The following EIF2D variants were observed in gnomAD, a reference collection of about 807,000 sequenced individuals.
EIF2D encodes hepatocellular carcinoma-associated antigen 56.
A neutral mutation model predicts 77.4 loss-of-function variants in EIF2D; 56 were observed. The ratio of observed to expected loss-of-function variants is 0.72; its 90% CI spans 0.58 to 0.90. The LOEUF is 0.90. Among genes scored for constraint, EIF2D ranks in the 40% least tolerant of loss-of-function variants. EIF2D has a pLI of 0.00. For missense variants in EIF2D, 574 were observed against 706.5 expected (o/e 0.81, Z 2.13); for synonymous variants, 230 against 271.0 (o/e 0.85, Z 1.49).
downstream of EIF2D, chr1:206,588,656 C>A (rs1268815464): frequency 6.6e-6 from 1 of 152,422 alleles, no homozygotes; most frequent in African/African-American, 2.4e-5. Flanking sequence ...AATGCTGACC[C>A]CTCGTCGTAT....
intron 4 of EIF2D, among the ~76,000 whole-genome samples, chr1:206,607,658 T>C (rs1487823682): frequency 4.6e-5 from 7 of 151,290 alleles, no homozygotes; most frequent in Admixed American, 4.6e-4. Context: ...GATATGCATA[T>C]AGGGAAAAAG....
chr1:206,612,405 G>C lies in EIF2D; in HGVS notation c.-63C>G. 1 of 1,601,982 alleles carries C rather than the reference G, an allele frequency of 6.2e-7. No individual in the cohort carries two copies. The highest frequency in any genetic ancestry group is 2.2e-5 in the East Asian group (1 of 44,816). On this transcript the variant is annotated 5_prime_UTR_variant, in exon 1 of 15. Transcript: ENST00000271764. ...CAGGGAATGTCAAGAAAGCGAGGGC[G>C]CAGCAGCTGCCAGGCCCTCAGCCGT...
At chr1:206,600,417 G>T in intron 7 of EIF2D, 109 bp from the exon 8 acceptor site, 1 of 973,646 alleles carries the variant, frequency 1.0e-6, no homozygotes, top group Non-Finnish European at 1.6e-6. Context: ...CACCTTCAGA[G>T]AGAGGCCACT....
At chr1:206,573,628 T>G (rs1424515935) in intron 4 of EIF2D, among the ~76,000 whole-genome samples, 1 of 152,184 alleles carries the variant, frequency 6.6e-6, no homozygotes, top group Non-Finnish European at 1.5e-5. Flanking sequence ...CCACCAGGCA[T>G]AGAGAAGTAG....
At chr1:206,598,400 T>G (rs6659083) in intron 11 of EIF2D, among the ~76,000 whole-genome samples, 3,726 of 152,274 alleles carry the variant, frequency 0.024, 93 homozygotes, top group South Asian at 0.075. Flanking sequence ...TGTATCTCCT[T>G]TTAAGAAAAT....
downstream of EIF2D, among the ~76,000 whole-genome samples, chr1:206,591,166 G>GAGTT (rs1455702257): frequency 1.3e-5 from 2 of 152,186 alleles, no homozygotes; most frequent in African/African-American, 4.8e-5. Context: ...TGTCATCTTG[G>GAGTT]AGTTACATCA....
Position 206,584,474 on chromosome 1 carries a change from T to C in EIF2D, c.139-3312A>G, listed in dbSNP as rs1553407088. ...GGTGCCTGCTGGGATCCGGCCCCAG[T>C]CCATCTATGATGCCATCAAGGAGGT... On this transcript the variant is annotated intron_variant and NMD_transcript_variant, in intron 2 of 5. Coordinates refer to the EIF2D transcript ENST00000472709. The surrounding 1 kb of genome is among the most constrained non-coding windows in gnomAD (Gnocchi z 4.9). The C allele has an allele frequency of 1.2e-6, 2 of 1,614,086 alleles. No individual in the cohort carries two copies. Among genetic ancestry groups the C allele is most frequent in the Non-Finnish European group, 1.7e-6 (2 of 1,179,988 alleles).
Position 206,611,322 on chromosome 1 carries a change from G to T in EIF2D, c.109C>A (p.Gln37Lys). 6.2e-7 allele frequency: 1 copy of T among 1,614,178 alleles called. No individual in the cohort carries two copies. Among genetic ancestry groups the T allele is most frequent in the South Asian group, 1.1e-5 (1 of 91,068 alleles). ...TTTCCAGGTACTAACTCAGAGACTT[G>T]ATCAGTTCCAAGGGTGGGGAAAGCA... ...TTAFPTLGTDQVSELVPGKEE... is the reference protein window; with the variant it reads ...TTAFPTLGTDKVSELVPGKEE... Residue 37 changes from glutamine (Q) to lysine (K), a missense_variant, in exon 2 of 15, where the codon CAA becomes AAA. Physicochemically the swap from Gln to Lys is moderately conservative, Grantham distance 53. Coordinates refer to ENST00000271764, the MANE Select transcript of EIF2D (RefSeq NM_006893.3).
downstream of EIF2D, among the ~76,000 whole-genome samples, chr1:206,570,497 A>G (rs916994250): frequency 1.3e-5 from 2 of 151,878 alleles, no homozygotes; most frequent in Admixed American, 6.6e-5. Context: ...TGTTTTCCCC[A>G]ACTGAAACTC....
chr1:206,603,478 A>G (rs1670032122), intron 5 of EIF2D: 1 of 333,396 alleles, frequency 3.0e-6, no homozygotes, highest in African/African-American at 2.1e-5. Context: ...AGACATCCCA[A>G]GACTGAGAAA....
chr1:206,612,303 T>A lies in EIF2D; in HGVS notation c.40A>T (p.Ile14Phe), dbSNP rs782732589. The A allele has an allele frequency of 1.2e-6, 2 of 1,614,264 alleles. No individual in the cohort carries two copies. The highest frequency in any genetic ancestry group is 4.5e-5 in the East Asian group (2 of 44,890). Residue 14 changes from isoleucine (I) to phenylalanine (F), a missense_variant, in exon 1 of 15, where the codon ATC becomes TTC. By Grantham distance (21) the Ile-to-Phe change is conservative. Transcript: ENST00000271764. ...KAFRVKSNTA[I>F]KGSDRRKLRA... ...CTCCCTCACCTGTCCGACCCCTTGA[T>A]GGCCGTGTTGGACTTGACCCGAAAG... is the stretch of plus-strand genomic sequence containing the variant.
At chr1:206,600,992 C>T (rs999719981) in intron 7 of EIF2D, 2 of 152,212 alleles carry the variant, frequency 1.3e-5, no homozygotes, top group African/African-American at 4.8e-5. Flanking sequence ...AGAGAACATT[C>T]CTGATAAAAG....
At chr1:206,585,080 T>C in intron 2 of EIF2D, 2 of 808,248 alleles carry the variant, frequency 2.5e-6, no homozygotes, top group Non-Finnish European at 4.1e-6. Context: ...TACTTCCAGT[T>C]GTACGTACCC....
At position 206,593,486 on chromosome 1, in the gene EIF2D, AGC is replaced by A. The variant is rs782760050; in HGVS notation, c.1684+131_1684+132del. 3.3e-4 allele frequency: 157 copies of A among 479,060 alleles called. 1 individual carries two copies. The highest frequency in any genetic ancestry group is 2.1e-3 in the Admixed American group (49 of 23,242). 29.7% of individuals were successfully genotyped at this position (479,060 alleles called of 1,614,324 possible). A position where few individuals can be genotyped will look rare whatever the true frequency, so the allele number is the denominator to read the frequency against. ...TAAATGGAGAGAGAGAGAGAGAGAG[AGC>A]GAGAGAGAGAGAGAGAGAGAGTGTG... On this transcript the variant is annotated intron_variant, in intron 14 of 14. Coordinates refer to ENST00000271764, the MANE Select transcript of EIF2D (RefSeq NM_006893.3).
rs147626748 is a variant in EIF2D, at chr1:206,600,596, A to T, written c.903-288T>A. ...GGTAGTAAGTACTTGAAGTGTGACTAATGTGACCAAGGGAACTGAATTTTA... is the reference window on the plus strand; with the variant it reads ...GGTAGTAAGTACTTGAAGTGTGACTTATGTGACCAAGGGAACTGAATTTTA... On this transcript the variant is annotated intron_variant, in intron 7 of 14. Coordinates refer to ENST00000271764, the MANE Select transcript of EIF2D (RefSeq NM_006893.3). 8.4e-6 allele frequency: 3 copies of T among 357,642 alleles called. No individual in the cohort carries two copies. The East Asian group carries it at 1.3e-4, about 15-fold the overall frequency. 22.2% of individuals were successfully genotyped at this position (357,642 alleles called of 1,614,324 possible).
chr1:206,609,713 A>G (rs1553413493), intron 2 of EIF2D, among the ~76,000 whole-genome samples: 1 of 152,210 alleles, frequency 6.6e-6, no homozygotes, highest in Non-Finnish European at 1.5e-5. Flanking sequence ...GTGGACAAAA[A>G]AGTGAGGGCA....
In EIF2D at chr1:206,603,100, T is replaced by G. The variant is rs936826164; in HGVS notation, c.635A>C (p.Gln212Pro). ...KGSVQMDSTL[Q>P]GDMRHMTLEG... ...CAGGGTCATGTGCCTCATGTCTCCC[T>G]GCAGGGTGGAGTCCATCTGGACAGA... Residue 212 changes from glutamine (Q) to proline (P), a missense_variant, in exon 6 of 15, where the codon CAG (glutamine) becomes CCG (proline). By Grantham distance (76) the Gln-to-Pro change is moderately conservative. Coordinates refer to ENST00000271764, the MANE Select transcript of EIF2D (RefSeq NM_006893.3). 6 of 1,614,064 alleles carry G rather than the reference T, an allele frequency of 3.7e-6. No individual in the cohort carries two copies. The highest frequency in any genetic ancestry group is 5.1e-6 in the Non-Finnish European group (6 of 1,180,034).
At chr1:206,593,484 AGAGC>A (rs782289907) in intron 14 of EIF2D, 131 bp downstream of exon 14, 9 of 488,162 alleles carry the variant, frequency 1.8e-5, no homozygotes, top group Admixed American at 4.4e-5. Flanking sequence ...AGAGAGAGAG[AGAGC>A]GAGAGAGAGA....
At chr1:206,572,916 A>G (rs782091648) in intron 4 of EIF2D, among the ~76,000 whole-genome samples, 5 of 152,186 alleles carry the variant, frequency 3.3e-5, no homozygotes, top group South Asian at 2.1e-4. Flanking sequence ...ATCGGGAATC[A>G]AGGTCCCATA....
Sources: gnomAD v4.1 joint callset for allele counts (sites outside exome capture counted in the v4.1 genomes callset) on GRCh38, gnomAD v4.1.1 for gene constraint, Gnocchi (gnomAD v3.1) non-coding constraint, MANE v1.5 for transcripts, NCBI Gene and HGNC (gene_info 2026-07-23, HGNC 2026-07-21) for gene names.